RFTN2: variants seen among roughly 807,000 people sequenced by gnomAD.
RFTN2 encodes the protein raftlin-2.
A neutral mutation model predicts 52.7 loss-of-function variants in RFTN2; 34 were observed. That is an observed-to-expected ratio of 0.64 (90% CI 0.49 to 0.86). RFTN2 has a LOEUF of 0.86. RFTN2 is among the 40% of genes least tolerant of loss of function. The pLI is 0.00. For missense variants in RFTN2, 536 were observed against 600.1 expected (o/e 0.89, Z 1.12); for synonymous variants, 203 against 217.7 (o/e 0.93, Z 0.59).
At chr2:197,634,674 TAAG>T (rs1297742349) in intron 3 of RFTN2, among the ~76,000 whole-genome samples, 1 of 151,516 alleles carries the variant, frequency 6.6e-6, no homozygotes, top group Non-Finnish European at 1.5e-5. Flanking sequence ...TTTGGGAACT[TAAG>T]AATGCTTATT....
intron 7 of RFTN2, among the ~76,000 whole-genome samples, chr2:197,607,475 TATAATAATAATA>T (rs67699316): frequency 8.1e-5 from 12 of 147,540 alleles, no homozygotes; most frequent in East Asian, 2.0e-4. Flanking sequence ...AAACTTGAAG[TATAATAATAATA>T]ATAATAATAA....
intron 1 of RFTN2, among the ~76,000 whole-genome samples, chr2:197,650,866 A>G (rs2106256973): frequency 6.6e-6 from 1 of 152,318 alleles, no homozygotes; most frequent in East Asian, 1.9e-4. Flanking sequence ...AGGAAACTCC[A>G]TATTGTTTTC....
Position 197,617,895 on chromosome 2 carries a change from C to T in RFTN2, c.955G>A (p.Gly319Arg). The change falls in exon 6 of 9, where the codon GGA becomes AGA. Residue 319 changes from glycine to arginine, a missense_variant. By Grantham distance (125) the Gly-to-Arg change is moderately radical. Coordinates refer to ENST00000295049, the MANE Select transcript of RFTN2 (RefSeq NM_144629.3). ...CCTTCTTCTTCATAGATAAAAAATC[C>T]TTCCAAAGATTTAGGCAAATGTTCC... ...KGEHLPKSLE[G>R]FFIYEEEGSG... 6.2e-7 allele frequency: 1 copy of T among 1,609,084 alleles called. No homozygotes were observed. The highest frequency in any genetic ancestry group is 8.5e-7 in the Non-Finnish European group (1 of 1,177,374).
chr2:197,623,824 C>T (rs191386466), intron 5 of RFTN2, among the ~76,000 whole-genome samples: 1 of 152,234 alleles, frequency 6.6e-6, no homozygotes, highest in African/African-American at 2.4e-5. Flanking sequence ...GTCACTACGT[C>T]TGGCTAATTT....
intron 5 of RFTN2, among the ~76,000 whole-genome samples, chr2:197,620,311 A>G (rs1208870028): frequency 3.3e-5 from 5 of 152,150 alleles, no homozygotes; most frequent in Admixed American, 6.5e-5. Flanking sequence ...ATAGTTGACA[A>G]TAACCAGCTG....
At chr2:197,668,519 G>A (rs1029826664) in intron 1 of RFTN2, among the ~76,000 whole-genome samples, 8 of 152,134 alleles carry the variant, frequency 5.3e-5, no homozygotes, top group Admixed American at 1.3e-4. Flanking sequence ...AGCCCTGGGC[G>A]TGGTAGCCTG....
chr2:197,580,001 C>A (rs2087478867), intron 8 of RFTN2, among the ~76,000 whole-genome samples: 2 of 152,130 alleles, frequency 1.3e-5, no homozygotes, highest in South Asian at 4.1e-4. Context: ...TCCGACCTCT[C>A]CCAAATCAAT....
rs539082432 is a variant in RFTN2, at chr2:197,615,290, C to T, written c.1154+586G>A. ...CAGGTAGTCACCTGCCCAGGCAGGA[C>T]AGCCTTAGCAGTCAGTCATTTCCTG... On this transcript the variant is annotated intron_variant, in intron 7 of 8. Transcript: ENST00000295049. Among the ~76,000 whole-genome samples, 12 of 152,354 alleles carry T rather than the reference C, an allele frequency of 7.9e-5. No homozygotes were observed. The East Asian group carries it at 2.3e-3, about 29-fold the overall frequency.
intron 7 of RFTN2, among the ~76,000 whole-genome samples, chr2:197,608,930 GT>G (rs1408702858): frequency 6.6e-6 from 1 of 152,020 alleles, no homozygotes; most frequent in Admixed American, 6.6e-5. Flanking sequence ...ATGGTTTCCA[GT>G]TTCATCTGTG....
At chr2:197,593,420 G>T (rs889123748) in intron 8 of RFTN2, among the ~76,000 whole-genome samples, 2 of 152,048 alleles carry the variant, frequency 1.3e-5, no homozygotes, top group African/African-American at 4.8e-5. Flanking sequence ...GCATATTTTT[G>T]GGGAATTAAA....
chr2:197,650,727 A>G (rs115249207), intron 1 of RFTN2, among the ~76,000 whole-genome samples: 1,809 of 152,256 alleles, frequency 0.012, 44 homozygotes, highest in African/African-American at 0.04. Flanking sequence ...CCTCTTGACT[A>G]TTGTGAATAA....
intron 7 of RFTN2, among the ~76,000 whole-genome samples, chr2:197,612,169 T>C (rs888994105): frequency 2.0e-5 from 3 of 152,124 alleles, no homozygotes; most frequent in African/African-American, 7.2e-5. Flanking sequence ...ATAGTACAAC[T>C]TGATTCAGCT....
intron 8 of RFTN2, among the ~76,000 whole-genome samples, chr2:197,584,420 A>AC (rs2087563952): frequency 6.6e-6 from 1 of 152,034 alleles, no homozygotes; most frequent in Non-Finnish European, 1.5e-5. Context: ...TTCTTTTGAG[A>AC]AGTGTCTGTT....
intron 1 of RFTN2, among the ~76,000 whole-genome samples, chr2:197,647,882 G>A (rs898375060): frequency 2.4e-4 from 36 of 152,314 alleles, no homozygotes; most frequent in Admixed American, 1.8e-3. Flanking sequence ...GGAAAAGAGT[G>A]TGTTATTTGA....
chr2:197,615,965 T>C lies in RFTN2; in HGVS notation c.1065A>G (p.Lys355=). The change falls in exon 7 of 9, where the codon AAA becomes AAG. Residue 355 remains lysine, a synonymous_variant. Coordinates refer to ENST00000295049, the MANE Select transcript of RFTN2 (RefSeq NM_144629.3). ...TGTGCAGCAGAGGGCCATAATCTGT[T>C]TTGATTTCACATCCCTGCATGAATA... ...QWTVIEGCEI[K]TDYGPLLHTL... 6.4e-7 allele frequency: 1 copy of C among 1,553,442 alleles called. No individual in the cohort carries two copies. The highest frequency in any genetic ancestry group is 8.7e-7 in the Non-Finnish European group (1 of 1,146,408).
chr2:197,596,412 T>C (rs904426423), intron 7 of RFTN2, among the ~76,000 whole-genome samples: 1 of 152,214 alleles, frequency 6.6e-6, no homozygotes, highest in South Asian at 2.1e-4. Flanking sequence ...GTAATTTGCA[T>C]GTCTGTGATC....
rs1364599972 is a variant in RFTN2 at position 197,571,320 on chromosome 2, T to G, written c.*688A>C. 3 of 152,378 alleles carry G rather than the reference T, an allele frequency of 2.0e-5. No homozygotes were observed. Among genetic ancestry groups the G allele is most frequent in the African/African-American group, 7.2e-5 (3 of 41,458 alleles). 9.4% of individuals were successfully genotyped at this position (152,378 alleles called of 1,614,324 possible). ...TATGGGTTCTTTTCATATTGAATTT[T>G]AAGAGATGCTGCTTTGCTGTCTGCA... On this transcript the variant is annotated 3_prime_UTR_variant, in exon 9 of 9. Transcript: ENST00000295049.
At chr2:197,643,626 T>C (rs924254743) in intron 3 of RFTN2, among the ~76,000 whole-genome samples, 5 of 152,192 alleles carry the variant, frequency 3.3e-5, no homozygotes, top group Non-Finnish European at 2.9e-5. Flanking sequence ...TTTCCTGTAA[T>C]GTATATTTTG....
At chr2:197,659,898 C>G (rs1380769661) in intron 1 of RFTN2, among the ~76,000 whole-genome samples, 1 of 152,166 alleles carries the variant, frequency 6.6e-6, no homozygotes, top group African/African-American at 2.4e-5. Context: ...CATATTTTAT[C>G]TAGCAATTAT....
Sources: allele counts gnomAD v4.1 joint callset (sites outside exome capture counted in the v4.1 genomes callset), GRCh38; gene constraint gnomAD v4.1.1; transcripts MANE v1.5; gene names NCBI Gene and HGNC (gene_info 2026-07-23, HGNC 2026-07-21).